RAB11FIP4: variants seen among roughly 807,000 people sequenced by gnomAD.
RAB11FIP4 encodes the protein rab11 family-interacting protein 4.
RAB11FIP4 carries 23 observed loss-of-function variants against 74.3 expected under a neutral mutation model. The observed-to-expected ratio is 0.31, with a 90% confidence interval of 0.22 to 0.44. The LOEUF (loss-of-function observed/expected upper bound fraction) is 0.44. RAB11FIP4 is among the 20% of genes least tolerant of loss of function. The pLI, the probability that RAB11FIP4 is intolerant of heterozygous loss-of-function variation, is 1.00. For missense variants in RAB11FIP4, 630 were observed against 863.9 expected, an observed-to-expected ratio of 0.73 and a Z score of 3.39; for synonymous variants, 360 against 359.9, an observed-to-expected ratio of 1.00 and a Z score of 0.00.
At chr17:31,418,185 C>A (rs892656458) in intron 1 of RAB11FIP4, among the ~76,000 whole-genome samples, 1 of 152,092 alleles carries the variant, frequency 6.6e-6, no homozygotes, top group African/African-American at 2.4e-5. Flanking sequence ...GTCAGGAGTT[C>A]GAGACCAGCC....
At chr17:31,522,580 C>T (rs1360063949) in intron 7 of RAB11FIP4, 185 bp downstream of exon 7, 4 of 591,892 alleles carry the variant, frequency 6.8e-6, no homozygotes, top group Non-Finnish European at 1.2e-5. Context: ...GGGGCCAGCT[C>T]CTCCCTGCTC....
Position 31,524,274 on chromosome 17 carries a change from G to A in RAB11FIP4, c.1133+278G>A. The A allele has an allele frequency of 7.1e-6, 3 of 424,240 alleles. No homozygotes were observed. The Admixed American group carries it at 1.1e-4, about 15-fold the overall frequency. The allele number at this position is 424,240 out of a possible 1,614,324, so 26.3% of individuals were successfully genotyped here. On this transcript the variant is annotated intron_variant, in intron 9 of 14. Transcript: ENST00000621161. ...CAGGGCTGGTCCAAGATGGGAGTGG[G>A]GATCCACTGTGTCTCACTCATACAG...
intron 1 of RAB11FIP4, among the ~76,000 whole-genome samples, chr17:31,420,173 A>T (rs1213450433): frequency 6.6e-6 from 1 of 152,180 alleles, no homozygotes; most frequent in African/African-American, 2.4e-5. Flanking sequence ...ATGTGTGTAG[A>T]AGTGTTTCTA....
In RAB11FIP4 at chr17:31,453,374, A is replaced by C. The variant is rs932946702; in HGVS notation, c.336+19252A>C. On this transcript the variant is annotated intron_variant, in intron 3 of 14. Transcript: ENST00000621161. ...CTACCTCAAAAAAAAAAAAAAAAAA[A>C]AAAAAACAAACCTGGGGAGAGTTTG... 5.2e-5 allele frequency among the ~76,000 whole-genome samples: 7 copies of C among 134,354 alleles called. 1 individual carries two copies. Among genetic ancestry groups the C allele is most frequent in the South Asian group, 2.1e-4 (1 of 4,656 alleles). 88.1% of individuals were successfully genotyped at this position (134,354 alleles called of 152,430 possible). A position where few individuals can be genotyped will look rare whatever the true frequency, so the allele number is the denominator to read the frequency against.
At chr17:31,429,904 G>A (rs917659700) in intron 1 of RAB11FIP4, among the ~76,000 whole-genome samples, 11 of 150,820 alleles carry the variant, frequency 7.3e-5, no homozygotes, top group East Asian at 1.9e-4. Context: ...TCCTGATCCC[G>A]TGTACCTGAA....
At chr17:31,480,736 C>T (rs985556638) in intron 3 of RAB11FIP4, among the ~76,000 whole-genome samples, 2 of 147,540 alleles carry the variant, frequency 1.4e-5, no homozygotes, top group Admixed American at 7.0e-5. Flanking sequence ...TGCAGTGAGC[C>T]GAGATCACGC....
intron 1 of RAB11FIP4, among the ~76,000 whole-genome samples, chr17:31,417,039 A>C (rs1375539319): frequency 3.2e-4 from 32 of 99,610 alleles, no homozygotes; most frequent in African/African-American, 4.0e-4. Flanking sequence ...CCTTCCATCC[A>C]CCCCAGACCC....
chr17:31,422,235 A>G (rs2071207242), intron 1 of RAB11FIP4, among the ~76,000 whole-genome samples: 1 of 152,192 alleles, frequency 6.6e-6, no homozygotes. Flanking sequence ...GATCTACATG[A>G]TCTACCTTGG....
At chr17:31,406,759 T>C (rs562432219) in intron 1 of RAB11FIP4, among the ~76,000 whole-genome samples, 99 of 152,204 alleles carry the variant, frequency 6.5e-4, no homozygotes, top group Non-Finnish European at 1.2e-3. Flanking sequence ...CAGTTCTATA[T>C]ATTTCAGCAC....
At chr17:31,522,986 G>T in intron 7 of RAB11FIP4, 1 of 181,412 alleles carries the variant, frequency 5.5e-6, no homozygotes, top group South Asian at 1.2e-4. Context: ...TCAGGCACGG[G>T]TTAGCTCAGC....
chr17:31,434,406 G>A (rs888889168), intron 3 of RAB11FIP4, among the ~76,000 whole-genome samples: 3 of 152,182 alleles, frequency 2.0e-5, no homozygotes, highest in African/African-American at 7.2e-5. Context: ...AAGTGGAGGG[G>A]AGGCAGGACT....
intron 1 of RAB11FIP4, among the ~76,000 whole-genome samples, chr17:31,418,303 G>T (rs540346953): frequency 6.6e-6 from 1 of 152,158 alleles, no homozygotes. Context: ...CAGCAAAATC[G>T]CTTGAACCCG....
chr17:31,537,259 C>T lies in RAB11FIP4; in HGVS notation c.*5527C>T. On this transcript the variant is annotated 3_prime_UTR_variant, in exon 15 of 15. Coordinates refer to ENST00000621161, the MANE Select transcript of RAB11FIP4 (RefSeq NM_032932.6). ...AAATGTGTACTTTTTCAACGTGCCTCCCCCAGGTGAGGCCAGCTCTCCCGG... is the reference window on the plus strand; with the variant it reads ...AAATGTGTACTTTTTCAACGTGCCTTCCCCAGGTGAGGCCAGCTCTCCCGG... The T allele has an allele frequency of 2.5e-6, 1 of 399,076 alleles. No homozygotes were observed. Among genetic ancestry groups the T allele is most frequent in the Non-Finnish European group, 4.4e-6 (1 of 226,098 alleles). The allele number at this position is 399,076 out of a possible 1,614,324, so 24.7% of individuals were successfully genotyped here.
At chr17:31,474,978 G>A (rs2071777358) in intron 3 of RAB11FIP4, among the ~76,000 whole-genome samples, 1 of 152,178 alleles carries the variant, frequency 6.6e-6, no homozygotes, top group South Asian at 2.1e-4. Context: ...TTCAACCGCT[G>A]TGGTGTTCAG....
At chr17:31,399,312 G>A (rs1567642427) in intron 1 of RAB11FIP4, among the ~76,000 whole-genome samples, 1 of 152,188 alleles carries the variant, frequency 6.6e-6, no homozygotes, top group African/African-American at 2.4e-5. Flanking sequence ...AGTCACTGCT[G>A]TCCTCCTAGC....
At chr17:31,498,077 A>G (rs1041052040) in intron 3 of RAB11FIP4, among the ~76,000 whole-genome samples, 3 of 152,088 alleles carry the variant, frequency 2.0e-5, no homozygotes, top group Non-Finnish European at 4.4e-5. Context: ...ACCTGCTGGA[A>G]GGGGCTTTGC....
rs941785122 is a variant in RAB11FIP4 at position 31,512,684 on chromosome 17, C to T, written c.337-4967C>T. ...GTCAGACTGTGCCAGAGACGATGCC[C>T]GGTGCTGCCTCCTGAGGATACCACA... On this transcript the variant is annotated intron_variant, in intron 3 of 14. Coordinates refer to ENST00000621161, the MANE Select transcript of RAB11FIP4 (RefSeq NM_032932.6). The surrounding 1 kb of genome is among the most constrained non-coding windows in gnomAD (Gnocchi z 4.1). Among the ~76,000 whole-genome samples the T allele has an allele frequency of 1.1e-4, 16 of 152,078 alleles. No homozygotes were observed. Among genetic ancestry groups the T allele is most frequent in the African/African-American group, 2.7e-4 (11 of 41,392 alleles).
intron 3 of RAB11FIP4, among the ~76,000 whole-genome samples, chr17:31,465,151 C>G (rs2071672643): frequency 6.6e-6 from 1 of 152,020 alleles, no homozygotes; most frequent in Admixed American, 6.6e-5. Flanking sequence ...TTGCACAGAG[C>G]CTGGAACTTC....
chr17:31,430,061 A>ATC (rs1368606468), intron 1 of RAB11FIP4, among the ~76,000 whole-genome samples: 15 of 152,140 alleles, frequency 9.9e-5, no homozygotes, highest in African/African-American at 3.6e-4. Flanking sequence ...GTGGGCCCTG[A>ATC]TTGGATGGGG....
Sources: gnomAD v4.1 joint callset for allele counts (sites outside exome capture counted in the v4.1 genomes callset) on GRCh38, gnomAD v4.1.1 for gene constraint, Gnocchi (gnomAD v3.1) non-coding constraint, MANE v1.5 for transcripts, NCBI Gene and HGNC (gene_info 2026-07-23, HGNC 2026-07-21) for gene names.